Variants in SLC25A13 observed in about 807,000 individuals in gnomAD.
SLC25A13 encodes solute carrier family 25 member 13.
A neutral mutation model predicts 85.5 loss-of-function variants in SLC25A13; 70 were observed. That is an observed-to-expected ratio of 0.82 (90% CI 0.68 to 1.00). The LOEUF (loss-of-function observed/expected upper bound fraction) is 1.00, where lower values mean the gene tolerates loss of function less well. Ranked by LOEUF, SLC25A13 falls within the 50% of genes least tolerant of loss-of-function variation. The pLI, the probability that SLC25A13 is intolerant of heterozygous loss-of-function variation, is 0.00. For missense variants in SLC25A13, 765 were observed against 819.8 expected (o/e 0.93, Z 0.82); for synonymous variants, 259 against 288.7 (o/e 0.90, Z 1.04).
intron 1 of SLC25A13, among the ~76,000 whole-genome samples, chr7:96,318,723 A>G (rs993730549): frequency 6.6e-6 from 1 of 152,264 alleles, no homozygotes; most frequent in Non-Finnish European, 1.5e-5. Context: ...CCAAAGAAAG[A>G]AACAGATCAG....
intron 6 of SLC25A13, among the ~76,000 whole-genome samples, chr7:96,192,602 G>A (rs1280234124): frequency 2.6e-5 from 4 of 151,904 alleles, no homozygotes; most frequent in African/African-American, 9.7e-5. Flanking sequence ...CTGTGGCCTC[G>A]ACACATACAC....
chr7:96,238,583 A>G (rs938895410), intron 3 of SLC25A13, among the ~76,000 whole-genome samples: 1 of 152,124 alleles, frequency 6.6e-6, no homozygotes, highest in Non-Finnish European at 1.5e-5. Flanking sequence ...TCCTTTTAAG[A>G]CATGCTGTAA....
chr7:96,256,035 C>T (rs898742617), intron 3 of SLC25A13, among the ~76,000 whole-genome samples: 2 of 152,066 alleles, frequency 1.3e-5, no homozygotes, highest in East Asian at 1.9e-4. Context: ...TGAGGGATAT[C>T]GTCACCACCA....
chr7:96,189,244 G>T, intron 9 of SLC25A13, 50 bp downstream of exon 9: 1 of 1,530,016 alleles, frequency 6.5e-7, no homozygotes. Context: ...CAGGGTTGGG[G>T]TATCCTGCTA....
intron 3 of SLC25A13, among the ~76,000 whole-genome samples, chr7:96,266,666 A>G (rs574429352): frequency 6.6e-6 from 1 of 152,332 alleles, no homozygotes; most frequent in Non-Finnish European, 1.5e-5. Context: ...CATCAGCAAC[A>G]TAATACAAAC....
chr7:96,209,495 T>C (rs1191986148), intron 4 of SLC25A13, among the ~76,000 whole-genome samples: 1 of 152,142 alleles, frequency 6.6e-6, no homozygotes, highest in Non-Finnish European at 1.5e-5. Context: ...CTAAGGCTGT[T>C]TCTGTGTTTG....
intron 13 of SLC25A13, among the ~76,000 whole-genome samples, chr7:96,150,030 TAGG>T (rs1343814906): frequency 6.6e-6 from 1 of 152,100 alleles, no homozygotes; most frequent in East Asian, 1.9e-4. Flanking sequence ...CTGTGGCAAG[TAGG>T]ACATGGGAAA....
At chr7:96,224,399 C>A (rs1483692582) in intron 4 of SLC25A13, among the ~76,000 whole-genome samples, 1 of 152,258 alleles carries the variant, frequency 6.6e-6, no homozygotes, top group East Asian at 1.9e-4. Context: ...GTCGTTGGTG[C>A]CCTGACAACC....
chr7:96,239,037 T>TTTTATATATATATATA (rs1459741290), intron 3 of SLC25A13, among the ~76,000 whole-genome samples: 2 of 130,904 alleles, frequency 1.5e-5, no homozygotes, highest in African/African-American at 6.0e-5. Context: ...ACTATATATT[T>TTTTATATATATATATA]TATATATATA....
At chr7:96,282,613 G>C (rs1798731392) in intron 2 of SLC25A13, among the ~76,000 whole-genome samples, 1 of 152,204 alleles carries the variant, frequency 6.6e-6, no homozygotes, top group South Asian at 2.1e-4. Flanking sequence ...ATGGTATTAT[G>C]ACTGTGTAGG....
At chr7:96,257,261 T>C (rs545003251) in intron 3 of SLC25A13, among the ~76,000 whole-genome samples, 1 of 152,072 alleles carries the variant, frequency 6.6e-6, no homozygotes, top group South Asian at 2.1e-4. Context: ...TCAAAAAAAA[T>C]CAATGAATCC....
intron 3 of SLC25A13, among the ~76,000 whole-genome samples, chr7:96,273,387 G>C (rs1482217974): frequency 1.3e-5 from 2 of 152,212 alleles, no homozygotes; most frequent in Non-Finnish European, 2.9e-5. Flanking sequence ...GAACACACCA[G>C]ATCTGCAAAT....
chr7:96,124,516 T>A (rs967877760), intron 15 of SLC25A13, among the ~76,000 whole-genome samples: 1 of 152,254 alleles, frequency 6.6e-6, no homozygotes, highest in Non-Finnish European at 1.5e-5. Flanking sequence ...TTATAAAATA[T>A]GCCTGTGTGC....
At chr7:96,126,048 G>T (rs1791714518) in intron 15 of SLC25A13, among the ~76,000 whole-genome samples, 1 of 151,986 alleles carries the variant, frequency 6.6e-6, no homozygotes, top group Admixed American at 6.6e-5. Context: ...ATCTCTGGTT[G>T]TCTATTGATA....
chr7:96,179,966 A>G (rs752885701), intron 11 of SLC25A13, among the ~76,000 whole-genome samples: 1 of 152,186 alleles, frequency 6.6e-6, no homozygotes, highest in Non-Finnish European at 1.5e-5. Flanking sequence ...ATGATAAGGG[A>G]CCTGGCTTAA....
At chr7:96,242,704 C>A (rs1364321166) in intron 3 of SLC25A13, among the ~76,000 whole-genome samples, 2 of 152,226 alleles carry the variant, frequency 1.3e-5, no homozygotes, top group East Asian at 3.8e-4. Flanking sequence ...AAACTCCAAC[C>A]AATTGTCAAC....
At chr7:96,213,861 T>C (rs1261878230) in intron 4 of SLC25A13, among the ~76,000 whole-genome samples, 1 of 152,218 alleles carries the variant, frequency 6.6e-6, no homozygotes, top group African/African-American at 2.4e-5. Flanking sequence ...ATTTTGGATA[T>C]ATAAAGTCAT....
intron 13 of SLC25A13, among the ~76,000 whole-genome samples, chr7:96,147,054 T>TTGTATCCAAATGAGGAGACACAGAA (rs1562793888): frequency 6.7e-6 from 1 of 148,356 alleles, no homozygotes; most frequent in African/African-American, 2.5e-5. Flanking sequence ...TGAAAAGCAT[T>TTGTATCCAAATGAGGAGACACAGAA]CGTATCCAAA....
At chr7:96,220,938 C>T (rs1226031550) in intron 4 of SLC25A13, among the ~76,000 whole-genome samples, 1 of 152,190 alleles carries the variant, frequency 6.6e-6, no homozygotes, top group Admixed American at 6.5e-5. Context: ...TTGATTTGCT[C>T]TCCAACTGAC....
Sources: allele counts gnomAD v4.1 joint callset (sites outside exome capture counted in the v4.1 genomes callset), GRCh38; gene constraint gnomAD v4.1.1; transcripts MANE v1.5; gene names NCBI Gene and HGNC (gene_info 2026-07-23, HGNC 2026-07-21).